The following KDM6A variants were observed in gnomAD, a reference collection of about 807,000 sequenced individuals.
The protein encoded by KDM6A is lysine-specific demethylase 6A.
Under a neutral mutation model 117.6 loss-of-function variants are expected in KDM6A, and 11 were observed. The ratio of observed to expected loss-of-function variants is 0.09; its 90% CI spans 0.06 to 0.15. The LOEUF (loss-of-function observed/expected upper bound fraction) is 0.15. Among genes scored for constraint, KDM6A ranks in the 10% least tolerant of loss-of-function variants. The pLI is 1.00. For missense variants in KDM6A, 799 were observed against 1,077.3 expected (o/e 0.74, Z 3.62); for synonymous variants, 384 against 396.1 (o/e 0.97, Z 0.36).
At chrX:44,989,048 G>C (rs974701252) in intron 4 of KDM6A, among the ~76,000 whole-genome samples, 4 of 107,722 alleles carry the variant, frequency 3.7e-5, no homozygotes, top group Admixed American at 1.0e-4. Flanking sequence ...CCTGTGGTGG[G>C]TTCCACTCAG....
intron 27 of KDM6A, among the ~76,000 whole-genome samples, chrX:45,104,181 C>T (rs1313993941): frequency 9.0e-6 from 1 of 111,612 alleles, no homozygotes; most frequent in Non-Finnish European, 1.9e-5. Flanking sequence ...TATGCCACCA[C>T]ACCTGGCTAA....
intron 29 of KDM6A, 50 bp from the exon 30 acceptor site, chrX:45,111,332 G>A: frequency 1.0e-6 from 1 of 1,001,548 alleles, no homozygotes; most frequent in Non-Finnish European, 1.4e-6. Context: ...GTAGCCATGA[G>A]CTATTAACAA....
rs779979560 is a variant in KDM6A at position 44,992,206 on chromosome X, C to CTTTT, written c.384+17523_384+17526dup. ...CGAAATTTAGCAATACTGTCTTCTT[C>CTTTT]TTTTTTTTTTTTTTTTTTTTTTTTT... On this transcript the variant is annotated intron_variant, in intron 4 of 29. Coordinates refer to ENST00000611820, the MANE Select transcript of KDM6A (RefSeq NM_001291415.2). Among the ~76,000 whole-genome samples, 130 of 32,070 alleles carry CTTTT rather than the reference C, an allele frequency of 4.1e-3. 13 individuals are homozygous for CTTTT. Among genetic ancestry groups the CTTTT allele is most frequent in the Non-Finnish European group, 6.5e-3 (112 of 17,138 alleles). The allele number at this position is 32,070 out of a possible 115,157, so 27.8% of individuals were successfully genotyped here.
At chrX:45,060,179 G>T (rs1226830147) in intron 13 of KDM6A, 23 bp downstream of exon 13, 1 of 1,209,221 alleles carries the variant, frequency 8.3e-7, no homozygotes, top group Non-Finnish European at 1.1e-6. Context: ...GTTATGTTCT[G>T]CAGGTGCCCA....
intron 2 of KDM6A, among the ~76,000 whole-genome samples, chrX:44,908,282 C>G (rs1293460222): frequency 1.8e-5 from 2 of 111,735 alleles, no homozygotes; most frequent in African/African-American, 6.5e-5. Flanking sequence ...GTCTGGTTAT[C>G]TTGTTGCATA....
intron 4 of KDM6A, among the ~76,000 whole-genome samples, chrX:45,003,773 C>G (rs2041277043): frequency 9.2e-6 from 1 of 108,943 alleles, no homozygotes; most frequent in South Asian, 4.1e-4. Context: ...CTCTTCCTCT[C>G]TCTGTCTCTC....
intron 4 of KDM6A, among the ~76,000 whole-genome samples, chrX:45,003,466 A>G (rs2041255734): frequency 9.7e-6 from 1 of 103,414 alleles, no homozygotes. Flanking sequence ...TTGTCGCTAC[A>G]GATTGAATGT....
chrX:45,051,831 A>G (rs995578553), intron 9 of KDM6A, 29 bp downstream of exon 9: 1 of 832,120 alleles, frequency 1.2e-6, no homozygotes, highest in Non-Finnish European at 1.8e-6. Context: ...TTAGTGTATT[A>G]TAAGTGCTTC....
Position 45,010,952 on chromosome X carries a change from C to T in KDM6A, c.385-9C>T, listed in dbSNP as rs1258991351. 2 of 1,181,825 alleles carry T rather than the reference C, an allele frequency of 1.7e-6. No homozygotes were observed. Among genetic ancestry groups the T allele is most frequent in the Non-Finnish European group, 2.3e-6 (2 of 870,821 alleles). On this transcript the variant is annotated splice_polypyrimidine_tract_variant and intron_variant, in intron 4 of 29. Coordinates refer to ENST00000611820, the MANE Select transcript of KDM6A (RefSeq NM_001291415.2). ...TTTTTCCTAAAAATCTTTTTCCCTT[C>T]CTTTACAGAATGCTGCCTTTTTATA...
intron 2 of KDM6A, among the ~76,000 whole-genome samples, chrX:44,906,651 CTGTATGTGTA>C (rs965494517): frequency 2.8e-5 from 3 of 108,920 alleles, no homozygotes; most frequent in Non-Finnish European, 3.8e-5. Flanking sequence ...GAGAGAGAGA[CTGTATGTGTA>C]TGTGTGTGTA....
At chrX:45,042,289 G>A (rs1381553266) in intron 8 of KDM6A, among the ~76,000 whole-genome samples, 1 of 61,966 alleles carries the variant, frequency 1.6e-5, no homozygotes, top group Non-Finnish European at 2.6e-5. Context: ...GGAGAGGGGA[G>A]AGGGGAGAGG....
chrX:45,038,488 CTT>C (rs1455419411), intron 8 of KDM6A, among the ~76,000 whole-genome samples: 1 of 109,599 alleles, frequency 9.1e-6, no homozygotes, highest in Non-Finnish European at 1.9e-5. Context: ...CTTTAAAAAA[CTT>C]TTAAATTTTA....
chrX:45,006,878 C>T (rs1373110198), intron 4 of KDM6A, among the ~76,000 whole-genome samples: 1 of 109,852 alleles, frequency 9.1e-6, no homozygotes, highest in Admixed American at 9.7e-5. Context: ...TTACAGTGAG[C>T]CGAGATCACA....
Position 44,883,892 on chromosome X carries a change from C to T in KDM6A, c.225+9905C>T, listed in dbSNP as rs190886718. Among the ~76,000 whole-genome samples, 727 of 109,659 alleles carry T rather than the reference C, an allele frequency of 6.6e-3. 5 individuals are homozygous for T. Among genetic ancestry groups the T allele is most frequent in the African/African-American group, 0.023 (699 of 30,203 alleles). ...CCGAGGCTGGTGGATCACCTGAGGT[C>T]GGGAGTTCGAGACCAGCCTGACCAA... On this transcript the variant is annotated intron_variant, in intron 2 of 29. Coordinates refer to ENST00000611820, the MANE Select transcript of KDM6A (RefSeq NM_001291415.2).
intron 4 of KDM6A, among the ~76,000 whole-genome samples, chrX:44,999,706 A>G (rs1292102152): frequency 9.0e-6 from 1 of 111,400 alleles, no homozygotes; most frequent in Non-Finnish European, 1.9e-5. Flanking sequence ...CTTTTTTTAA[A>G]CATGTCTTGG....
chrX:45,020,722 A>G lies in KDM6A; in HGVS notation c.556A>G (p.Ser186Gly). The change falls in exon 6 of 30, where the codon AGT becomes GGT. Residue 186 changes from serine to glycine, a missense_variant. Ser to Gly is a moderately conservative substitution (Grantham distance 56). Coordinates refer to ENST00000611820, the MANE Select transcript of KDM6A (RefSeq NM_001291415.2). Reference sequence around the variant, plus strand: ...CAAAGTGAACACAGACTATGAGTCTAGTTTAAAGGTAGGTTGTTGGGTTTT... The same window carrying G: ...CAAAGTGAACACAGACTATGAGTCTGGTTTAAAGGTAGGTTGTTGGGTTTT... The part of the protein sequence containing the change: ...MFKVNTDYES[S>G]LKHFQLALVD... The G allele has an allele frequency of 8.3e-7, 1 of 1,209,206 alleles. No individual in the cohort carries two copies. Among genetic ancestry groups the G allele is most frequent in the South Asian group, 1.8e-5 (1 of 56,852 alleles).
chrX:44,911,206 C>T (rs1322460753), intron 2 of KDM6A, among the ~76,000 whole-genome samples: 104 of 105,700 alleles, frequency 9.8e-4, no homozygotes, highest in African/African-American at 3.3e-3. Flanking sequence ...GGCTGCCGGG[C>T]GGAGACACTC....
intron 3 of KDM6A, among the ~76,000 whole-genome samples, chrX:44,968,079 T>A (rs934109546): frequency 1.8e-5 from 2 of 112,399 alleles, no homozygotes; most frequent in African/African-American, 6.5e-5. Context: ...AGAACCAGTA[T>A]TGGACAGAAG....
At chrX:45,071,847 G>T (rs1013591088) in intron 18 of KDM6A, among the ~76,000 whole-genome samples, 2 of 109,907 alleles carry the variant, frequency 1.8e-5, no homozygotes, top group African/African-American at 6.6e-5. Context: ...TCAACTTACC[G>T]CACGCTCTGC....
Sources: gnomAD v4.1 joint callset for allele counts (sites outside exome capture counted in the v4.1 genomes callset) on GRCh38, gnomAD v4.1.1 for gene constraint, MANE v1.5 for transcripts, NCBI Gene and HGNC (gene_info 2026-07-23, HGNC 2026-07-21) for gene names.